GRM5: variants seen among roughly 807,000 people sequenced by gnomAD.
GRM5 encodes the protein metabotropic glutamate receptor 5.
GRM5 carries 19 observed loss-of-function variants against 83.1 expected under a neutral mutation model. The ratio of observed to expected loss-of-function variants is 0.23; its 90% CI spans 0.16 to 0.34. GRM5 has a LOEUF of 0.34. GRM5 is among the 10% of genes least tolerant of loss of function. GRM5 has a pLI of 1.00. For synonymous variants in GRM5, 675 were observed against 633.6 expected, an observed-to-expected ratio of 1.07 and a Z score of -0.98; for missense variants, 1,160 against 1,588.3, an observed-to-expected ratio of 0.73 and a Z score of 4.58.
Position 88,552,602 on chromosome 11 carries a change from G to A in GRM5, c.2630+14451C>T, listed in dbSNP as rs182541010. 1.5e-3 allele frequency among the ~76,000 whole-genome samples: 228 copies of A among 152,194 alleles called. 1 individual carries two copies. Among genetic ancestry groups the A allele is most frequent in the Admixed American group, 3.0e-3 (46 of 15,272 alleles). On this transcript the variant is annotated intron_variant, in intron 8 of 9. Transcript: ENST00000305447. ...TCACTGGAGTTGCCCAAAGAACTTC[G>A]CCTGCCACCTACTGGCCAGGAAAGG...
chr11:88,841,560 T>C (rs1944201873), intron 3 of GRM5, among the ~76,000 whole-genome samples: 2 of 152,216 alleles, frequency 1.3e-5, no homozygotes, highest in South Asian at 2.1e-4. Flanking sequence ...GGTTTTCACA[T>C]CTGCTGGTGT....
At chr11:88,909,618 C>A (rs316088) in intron 2 of GRM5, among the ~76,000 whole-genome samples, 76,053 of 151,512 alleles carry the variant, frequency 0.5, 20,284 homozygotes, top group South Asian at 0.66. Flanking sequence ...GCACTTATAA[C>A]TTAAATTTGC....
chr11:88,681,711 C>G (rs1259363499), intron 3 of GRM5, among the ~76,000 whole-genome samples: 1 of 151,072 alleles, frequency 6.6e-6, no homozygotes, highest in Admixed American at 6.6e-5. Context: ...GCTGGGATTA[C>G]AGGTGCCCAT....
At chr11:88,594,014 C>T (rs377082245) in intron 6 of GRM5, among the ~76,000 whole-genome samples, 2 of 151,918 alleles carry the variant, frequency 1.3e-5, no homozygotes, top group African/African-American at 4.8e-5. Flanking sequence ...CAGATGGTCT[C>T]GATCTCCTGA....
intron 2 of GRM5, among the ~76,000 whole-genome samples, chr11:88,878,850 T>C (rs1052039958): frequency 5.9e-5 from 9 of 152,218 alleles, no homozygotes; most frequent in African/African-American, 2.2e-4. Context: ...GGTTTCATAC[T>C]GTATCATTCC....
chr11:88,976,735 T>A (rs2135015038), intron 2 of GRM5, among the ~76,000 whole-genome samples: 1 of 152,226 alleles, frequency 6.6e-6, no homozygotes, highest in East Asian at 1.9e-4. Flanking sequence ...GTTTTTATAT[T>A]GTGGTAGTTG....
At chr11:88,594,036 G>T (rs1237819567) in intron 6 of GRM5, among the ~76,000 whole-genome samples, 1 of 152,074 alleles carries the variant, frequency 6.6e-6, no homozygotes, top group Non-Finnish European at 1.5e-5. Context: ...CTTGTGATCC[G>T]CCCGCCTAGG....
chr11:88,751,086 A>AC (rs1555007944), intron 3 of GRM5, among the ~76,000 whole-genome samples: 10 of 148,334 alleles, frequency 6.7e-5, no homozygotes, highest in South Asian at 2.1e-4. Context: ...AAAAAAAAAA[A>AC]AAAAAAAAAC....
Position 88,508,841 on chromosome 11 carries a change from C to T in GRM5, c.3390G>A (p.Ala1130=), listed in dbSNP as rs745882396. The T allele has an allele frequency of 2.6e-6, 4 of 1,553,672 alleles. No homozygotes were observed. Among genetic ancestry groups the T allele is most frequent in the African/African-American group, 1.4e-5 (1 of 71,616 alleles). The change falls in exon 10 of 10, where the codon GCG becomes GCA. Residue 1130 remains alanine (A), a synonymous_variant. Transcript: ENST00000305447. This position sits in a 1 kb window ranked among gnomAD's most constrained non-coding sequence, Gnocchi z 4.2. ...AIEVTGGAQP[A]AGAQAAGDAA... ...CGTCCCCAGCCGCCTGCGCCCCTGCCGCGGGCTGCGCGCCTCCCGTGACTT... is the reference window on the plus strand; with the variant it reads ...CGTCCCCAGCCGCCTGCGCCCCTGCTGCGGGCTGCGCGCCTCCCGTGACTT...
chr11:88,945,276 C>T (rs1938242703), intron 2 of GRM5, among the ~76,000 whole-genome samples: 1 of 151,754 alleles, frequency 6.6e-6, no homozygotes, highest in Admixed American at 6.6e-5. Context: ...ATTTCATGTT[C>T]ATTAATTAAA....
chr11:88,629,147 A>T (rs1452193168), intron 4 of GRM5, among the ~76,000 whole-genome samples: 1 of 152,188 alleles, frequency 6.6e-6, no homozygotes, highest in Non-Finnish European at 1.5e-5. Flanking sequence ...TCTGGATCTG[A>T]TGGTTATTAT....
At chr11:88,929,840 T>C (rs1239091026) in intron 2 of GRM5, among the ~76,000 whole-genome samples, 1 of 152,148 alleles carries the variant, frequency 6.6e-6, no homozygotes, top group African/African-American at 2.4e-5. Context: ...AATCACTATA[T>C]GCATAAGTGA....
At chr11:88,704,517 A>G (rs750405068) in intron 3 of GRM5, among the ~76,000 whole-genome samples, 3 of 152,092 alleles carry the variant, frequency 2.0e-5, no homozygotes, top group Non-Finnish European at 4.4e-5. Flanking sequence ...TAAGCCCAGC[A>G]TATAAGAGGA....
At chr11:88,720,341 A>ATGTT (rs1016064875) in intron 3 of GRM5, among the ~76,000 whole-genome samples, 4 of 152,178 alleles carry the variant, frequency 2.6e-5, no homozygotes, top group East Asian at 1.9e-4. Flanking sequence ...GAGTGCAGAT[A>ATGTT]TGTTTTCCCT....
chr11:89,063,421 G>GTATTTTCAAGTCCTAA (rs1196592170), intron 1 of GRM5: 1 of 152,300 alleles, frequency 6.6e-6, no homozygotes, highest in Non-Finnish European at 1.5e-5. Flanking sequence ...CAAGCCTATA[G>GTATTTTCAAGTCCTAA]ATCCTAAATC....
chr11:88,951,096 T>C (rs1938448482), intron 2 of GRM5, among the ~76,000 whole-genome samples: 1 of 152,008 alleles, frequency 6.6e-6, no homozygotes. Context: ...TGTGTGTGTA[T>C]CTGTGTGTGA....
At chr11:88,843,402 T>C (rs1203681438) in intron 3 of GRM5, among the ~76,000 whole-genome samples, 3 of 152,154 alleles carry the variant, frequency 2.0e-5, no homozygotes, top group African/African-American at 4.8e-5. Flanking sequence ...AGACATTTAT[T>C]ATTTCTTTGT....
At chr11:89,057,976 T>G (rs1941912245) in intron 1 of GRM5, among the ~76,000 whole-genome samples, 1 of 152,138 alleles carries the variant, frequency 6.6e-6, no homozygotes, top group South Asian at 2.1e-4. Flanking sequence ...GTCAAGAATC[T>G]TCTCCAAAGT....
intron 3 of GRM5, among the ~76,000 whole-genome samples, chr11:88,751,085 A>AT (rs1324791082): frequency 6.4e-4 from 95 of 148,268 alleles, no homozygotes; most frequent in Non-Finnish European, 1.0e-3. Flanking sequence ...AAAAAAAAAA[A>AT]AAAAAAAAAA....
Sources: gnomAD v4.1 joint callset for allele counts (sites outside exome capture counted in the v4.1 genomes callset) on GRCh38, gnomAD v4.1.1 for gene constraint, Gnocchi (gnomAD v3.1) non-coding constraint, MANE v1.5 for transcripts, NCBI Gene and HGNC (gene_info 2026-07-23, HGNC 2026-07-21) for gene names.